The following ASIC2 variants were observed in gnomAD, a reference collection of about 807,000 sequenced individuals.
The protein encoded by ASIC2 is acid sensing ion channel subunit 2.
A neutral mutation model predicts 57.3 loss-of-function variants in ASIC2; 25 were observed. That is an observed-to-expected ratio of 0.44 (90% CI 0.32 to 0.61). The LOEUF (loss-of-function observed/expected upper bound fraction) is 0.61. Among genes scored for constraint, ASIC2 ranks in the 20% least tolerant of loss-of-function variants. The pLI is 0.06. For synonymous variants in ASIC2, 319 were observed against 307.5 expected (o/e 1.04, Z -0.39); for missense variants, 641 against 738.1 (o/e 0.87, Z 1.52).
At chr17:34,140,680 G>A (rs1912248472) in intron 1 of ASIC2, among the ~76,000 whole-genome samples, 1 of 152,128 alleles carries the variant, frequency 6.6e-6, no homozygotes, top group South Asian at 2.1e-4. Context: ...GAAAATTTGA[G>A]TTTCAAAATA....
intron 1 of ASIC2, among the ~76,000 whole-genome samples, chr17:33,900,773 G>A (rs1344660315): frequency 1.3e-5 from 2 of 152,142 alleles, no homozygotes; most frequent in Non-Finnish European, 2.9e-5. Flanking sequence ...GAAGAGGGTG[G>A]GGGCTGCCCA....
At chr17:33,429,262 G>C (rs1911320908) in intron 1 of ASIC2, among the ~76,000 whole-genome samples, 1 of 152,210 alleles carries the variant, frequency 6.6e-6, no homozygotes, top group African/African-American at 2.4e-5. Flanking sequence ...TTCTCAAGGA[G>C]CTTTTGGCTT....
At chr17:34,083,305 G>A (rs1162623872) in intron 1 of ASIC2, among the ~76,000 whole-genome samples, 1 of 151,728 alleles carries the variant, frequency 6.6e-6, no homozygotes, top group Non-Finnish European at 1.5e-5. Flanking sequence ...AGTTTACTAA[G>A]AATGATGATT....
intron 1 of ASIC2, among the ~76,000 whole-genome samples, chr17:33,117,790 G>A (rs1260740940): frequency 2.0e-5 from 3 of 152,172 alleles, no homozygotes; most frequent in East Asian, 1.9e-4. Context: ...TTCTATACTC[G>A]AAGGAAGTAC....
intron 1 of ASIC2, among the ~76,000 whole-genome samples, chr17:33,846,144 A>G (rs1367182948): frequency 1.3e-5 from 2 of 152,194 alleles, no homozygotes; most frequent in Admixed American, 1.3e-4. Flanking sequence ...AAATGCTTCC[A>G]TGTCCAGGCC....
chr17:33,990,398 G>T (rs889848971), intron 1 of ASIC2, among the ~76,000 whole-genome samples: 41 of 152,202 alleles, frequency 2.7e-4, no homozygotes, highest in Admixed American at 3.3e-4. Context: ...AATTGGGATC[G>T]AGTCTTGGAG....
chr17:33,263,128 C>G (rs1909343566), intron 1 of ASIC2, among the ~76,000 whole-genome samples: 1 of 152,188 alleles, frequency 6.6e-6, no homozygotes, highest in African/African-American at 2.4e-5. Flanking sequence ...CATTTTCCGG[C>G]CCTAGCTGAG....
chr17:33,246,912 A>G (rs950513920), intron 1 of ASIC2, among the ~76,000 whole-genome samples: 1 of 152,180 alleles, frequency 6.6e-6, no homozygotes. Flanking sequence ...TCCATCAGCC[A>G]CCACTGACAA....
At chr17:34,021,701 A>G (rs1907163659) in intron 1 of ASIC2, among the ~76,000 whole-genome samples, 1 of 152,212 alleles carries the variant, frequency 6.6e-6, no homozygotes. Context: ...ACCTTAGAGC[A>G]GAGATTCACA....
At chr17:33,995,173 G>T (rs1204265103) in intron 1 of ASIC2, among the ~76,000 whole-genome samples, 1 of 152,184 alleles carries the variant, frequency 6.6e-6, no homozygotes, top group African/African-American at 2.4e-5. Context: ...CTGGAGCTGT[G>T]AAGCATGGCA....
chr17:33,479,083 C>G (rs1021937527), intron 1 of ASIC2, among the ~76,000 whole-genome samples: 1 of 151,900 alleles, frequency 6.6e-6, no homozygotes, highest in African/African-American at 2.4e-5. Flanking sequence ...ACTGCAGCCT[C>G]TGCCTCCCGG....
chr17:33,568,602 T>C (rs1275401499), intron 1 of ASIC2, among the ~76,000 whole-genome samples: 10 of 152,192 alleles, frequency 6.6e-5, no homozygotes, highest in African/African-American at 2.4e-4. Flanking sequence ...GAGTTAATCA[T>C]TCATCCCTTC....
intron 1 of ASIC2, among the ~76,000 whole-genome samples, chr17:33,835,219 T>C (rs541269139): frequency 6.6e-6 from 1 of 152,344 alleles, no homozygotes; most frequent in East Asian, 1.9e-4. Flanking sequence ...CCTACTACTG[T>C]TGGTTTGCCT....
chr17:34,116,467 C>T (rs1026041825), intron 1 of ASIC2, among the ~76,000 whole-genome samples: 1 of 152,162 alleles, frequency 6.6e-6, no homozygotes, highest in Non-Finnish European at 1.5e-5. Context: ...CAGTGATTCA[C>T]CCCTCAGTGT....
At chr17:33,596,116 A>AC (rs11445913) in intron 1 of ASIC2, among the ~76,000 whole-genome samples, 45,934 of 151,960 alleles carry the variant, frequency 0.3, 7,334 homozygotes, top group South Asian at 0.47. Flanking sequence ...ATTTAGACCC[A>AC]CCCGCCAAAT....
chr17:33,371,417 A>C (rs1346907084), intron 1 of ASIC2, among the ~76,000 whole-genome samples: 2 of 152,222 alleles, frequency 1.3e-5, no homozygotes, highest in Admixed American at 6.5e-5. Context: ...TCACAGGGAG[A>C]GGTCACACAA....
chr17:33,446,962 T>C (rs1283554576), intron 1 of ASIC2, among the ~76,000 whole-genome samples: 1 of 152,190 alleles, frequency 6.6e-6, no homozygotes, highest in Non-Finnish European at 1.5e-5. Flanking sequence ...AGATAATGGA[T>C]AGAAAAGTGT....
intron 1 of ASIC2, among the ~76,000 whole-genome samples, chr17:34,014,716 A>C (rs1906885910): frequency 6.6e-6 from 1 of 152,102 alleles, no homozygotes; most frequent in Admixed American, 6.5e-5. Context: ...TGAGCCCTTG[A>C]ACCTCTGCTT....
intron 1 of ASIC2, among the ~76,000 whole-genome samples, chr17:33,298,853 A>G (rs1454070611): frequency 1.3e-5 from 2 of 152,248 alleles, no homozygotes; most frequent in African/African-American, 4.8e-5. Flanking sequence ...CTTCAAAGCG[A>G]ATAAAATACC....
Sources: gnomAD v4.1 joint callset for allele counts (sites outside exome capture counted in the v4.1 genomes callset) on GRCh38, gnomAD v4.1.1 for gene constraint, MANE v1.5 for transcripts, NCBI Gene and HGNC (gene_info 2026-07-23, HGNC 2026-07-21) for gene names.